Variants in DOT1L observed in about 807,000 individuals in gnomAD.
DOT1L encodes DOT1 like histone lysine methyltransferase.
Under a neutral mutation model 153.3 loss-of-function variants are expected in DOT1L, and 33 were observed. That is an observed-to-expected ratio of 0.22 (90% CI 0.16 to 0.29). The LOEUF is 0.29. Ranked by LOEUF, DOT1L falls within the 10% of genes least tolerant of loss-of-function variation. The pLI, the probability that DOT1L is intolerant of heterozygous loss-of-function variation, is 1.00. For synonymous variants in DOT1L, 1,135 were observed against 965.1 expected (o/e 1.18, Z -3.26); for missense variants, 1,847 against 2,119.9 (o/e 0.87, Z 2.53).
chr19:2,206,996 G>A lies in DOT1L; in HGVS notation c.856+199G>A, dbSNP rs184925366. On this transcript the variant is annotated intron_variant, in intron 10 of 27. Coordinates refer to ENST00000398665, the MANE Select transcript of DOT1L (RefSeq NM_032482.3). Reference sequence around the variant, plus strand: ...CTCCATGCCAGGAGCACCCCTGGTCGCGACAACCACACACGTCCCCATAGA... The same window carrying A: ...CTCCATGCCAGGAGCACCCCTGGTCACGACAACCACACACGTCCCCATAGA... 1.8e-4 allele frequency among the ~76,000 whole-genome samples: 28 copies of A among 152,328 alleles called. No homozygotes were observed. The Middle Eastern group carries it at 0.014, about 74-fold the overall frequency.
intron 7 of DOT1L, 100 bp from the exon 8 acceptor site, chr19:2,199,784 G>T (rs2023168682): frequency 6.7e-7 from 1 of 1,482,760 alleles, no homozygotes. Context: ...TTCACTGCAA[G>T]CGGAGCTGTG....
chr19:2,221,356 C>T (rs931450639), intron 23 of DOT1L: 2 of 153,358 alleles, frequency 1.3e-5, no homozygotes, highest in Admixed American at 6.5e-5. Context: ...GAGGTCTGCT[C>T]TGCGAGAGGC....
At chr19:2,225,116 C>A (rs2024274366) in intron 25 of DOT1L, among the ~76,000 whole-genome samples, 1 of 152,200 alleles carries the variant, frequency 6.6e-6, no homozygotes, top group Non-Finnish European at 1.5e-5. Context: ...TTCTCCCATT[C>A]AGCTGCTGTG....
chr19:2,167,610 C>T (rs1252654815), intron 1 of DOT1L, among the ~76,000 whole-genome samples: 3 of 152,240 alleles, frequency 2.0e-5, no homozygotes, highest in African/African-American at 7.2e-5. Flanking sequence ...CATCTTCATT[C>T]GCCCAAGTGC....
At chr19:2,178,537 C>G (rs1346077904) in intron 1 of DOT1L, among the ~76,000 whole-genome samples, 2 of 151,612 alleles carry the variant, frequency 1.3e-5, no homozygotes, top group East Asian at 3.9e-4. Context: ...CCTGCCTCTG[C>G]CTCCCGAGTA....
chr19:2,178,174 C>T (rs2022042699), intron 1 of DOT1L, among the ~76,000 whole-genome samples: 1 of 150,646 alleles, frequency 6.6e-6, no homozygotes, highest in Admixed American at 6.6e-5. Context: ...TCGAGTGATC[C>T]ACCCGCCTCG....
chr19:2,196,320 G>C (rs2023017745), intron 7 of DOT1L, among the ~76,000 whole-genome samples: 1 of 152,222 alleles, frequency 6.6e-6, no homozygotes, highest in African/African-American at 2.4e-5. Context: ...TTGAGCCCAG[G>C]AGTTCGGACA....
chr19:2,182,671 G>T (rs1028060844), intron 2 of DOT1L, among the ~76,000 whole-genome samples: 2 of 152,164 alleles, frequency 1.3e-5, no homozygotes, highest in African/African-American at 2.4e-5. Flanking sequence ...TCTCTGACCA[G>T]GCGCTTGCTA....
Position 2,194,529 on chromosome 19 carries a change from G to A in DOT1L, c.603G>A (p.Glu201=), listed in dbSNP as rs553899886. The change falls in exon 7 of 28, where the codon GAG becomes GAA. Residue 201 remains glutamate, a synonymous_variant. Coordinates refer to ENST00000398665, the MANE Select transcript of DOT1L (RefSeq NM_032482.3). ...TTTCCTTCCAGACCATGGACCGCGA[G>A]TTCAGGAAGTGGATGAAATGGTATG... ...PAKYAETMDR[E]FRKWMKWYGK... 2.5e-6 allele frequency: 4 copies of A among 1,613,900 alleles called. No homozygotes were observed. The highest frequency in any genetic ancestry group is 1.3e-5 in the African/African-American group (1 of 75,030).
At position 2,220,523 on chromosome 19, in the gene DOT1L, T is replaced by C; in HGVS notation, c.2806+301T>C. On this transcript the variant is annotated intron_variant, in intron 23 of 27. Transcript: ENST00000398665. This position sits in a 1 kb window ranked among gnomAD's most constrained non-coding sequence, Gnocchi z 4.5. ...CCAGTGCTCTCGGGGGCTCCTGTAC[T>C]CACAGCTGGGAGGCCCCTGACTCAG... is the stretch of plus-strand genomic sequence containing the variant. 2.0e-6 allele frequency: 1 copy of C among 506,344 alleles called. No homozygotes were observed. The highest frequency in any genetic ancestry group is 3.9e-6 in the Non-Finnish European group (1 of 259,414). 31.4% of individuals were successfully genotyped at this position (506,344 alleles called of 1,614,324 possible).
intron 1 of DOT1L, among the ~76,000 whole-genome samples, chr19:2,177,284 A>G (rs573891783): frequency 6.6e-6 from 1 of 152,294 alleles, no homozygotes; most frequent in African/African-American, 2.4e-5. Context: ...CACGCAGTCA[A>G]ATCACGCAGG....
At position 2,207,006 on chromosome 19, in the gene DOT1L, C is replaced by T. The variant is rs3746161; in HGVS notation, c.856+209C>T. Among the ~76,000 whole-genome samples, 5,827 of 152,296 alleles carry T rather than the reference C, an allele frequency of 0.038. 160 individuals are homozygous for T. Among genetic ancestry groups the T allele is most frequent in the East Asian group, 0.13 (682 of 5,166 alleles). ...GGAGCACCCCTGGTCGCGACAACCACACACGTCCCCATAGAGCACTGTGTG... is the reference window on the plus strand; with the variant it reads ...GGAGCACCCCTGGTCGCGACAACCATACACGTCCCCATAGAGCACTGTGTG... On this transcript the variant is annotated intron_variant, in intron 10 of 27. Transcript: ENST00000398665. This position sits in a 1 kb window ranked among gnomAD's most constrained non-coding sequence, Gnocchi z 4.5.
intron 27 of DOT1L, chr19:2,227,795 C>T (rs2024416877): frequency 1.5e-6 from 2 of 1,310,178 alleles, no homozygotes; most frequent in Admixed American, 2.2e-5. Flanking sequence ...CCCGTGTCGG[C>T]CGCGGGGCTG....
chr19:2,178,231 C>CT, intron 1 of DOT1L, among the ~76,000 whole-genome samples: 1 of 135,766 alleles, frequency 7.4e-6, no homozygotes, highest in East Asian at 2.2e-4. Flanking sequence ...CATGCCTGGC[C>CT]ATTTTTTTTT....
At position 2,198,353 on chromosome 19, in the gene DOT1L, C is replaced by T. The variant is rs1340202261; in HGVS notation, c.652-1531C>T. 4.6e-5 allele frequency among the ~76,000 whole-genome samples: 7 copies of T among 152,194 alleles called. 1 individual carries two copies. The highest frequency in any genetic ancestry group is 1.0e-4 in the Non-Finnish European group (7 of 68,018). On this transcript the variant is annotated intron_variant, in intron 7 of 27. Coordinates refer to ENST00000398665, the MANE Select transcript of DOT1L (RefSeq NM_032482.3). Reference sequence around the variant, plus strand: ...CTCAGGATGGCTCGCCTGCGCACCTCCCATCCCGTCTCCTCCCCTCCTGGG... The same window carrying T: ...CTCAGGATGGCTCGCCTGCGCACCTTCCATCCCGTCTCCTCCCCTCCTGGG...
Position 2,193,853 on chromosome 19 carries a change from C to A in DOT1L, c.588+70C>A. ...TCAGAGAAAGTGACGCCCTGGGTGCCTGCACCCCACTGCTGTGGGACTTCC... is the reference window on the plus strand; with the variant it reads ...TCAGAGAAAGTGACGCCCTGGGTGCATGCACCCCACTGCTGTGGGACTTCC... On this transcript the variant is annotated intron_variant, in intron 6 of 27. Transcript: ENST00000398665. This position sits in a 1 kb window ranked among gnomAD's most constrained non-coding sequence, Gnocchi z 5.9. 7.6e-6 allele frequency: 11 copies of A among 1,447,726 alleles called. No individual in the cohort carries two copies. Among genetic ancestry groups the A allele is most frequent in the African/African-American group, 1.4e-5 (1 of 72,028 alleles). The allele number at this position is 1,447,726 out of a possible 1,614,324, so 89.7% of individuals were successfully genotyped here.
chr19:2,224,523 G>A (rs1444397170), intron 25 of DOT1L, among the ~76,000 whole-genome samples: 2 of 150,444 alleles, frequency 1.3e-5, no homozygotes, highest in Admixed American at 6.6e-5. Flanking sequence ...GCTGGAGTGC[G>A]GTGGCGCGAT....
chr19:2,187,942 AAGTG>A (rs2022610356), intron 3 of DOT1L, among the ~76,000 whole-genome samples: 2 of 128,950 alleles, frequency 1.6e-5, no homozygotes, highest in South Asian at 4.9e-4. Flanking sequence ...AAAAAAAGGG[AAGTG>A]AAAAGACAGG....
In DOT1L at chr19:2,202,730, T is replaced by G; in HGVS notation, c.738T>G (p.Gly246=). Residue 246 remains glycine, a synonymous_variant, in exon 9 of 28, where the codon GGT becomes GGG. Coordinates refer to ENST00000398665, the MANE Select transcript of DOT1L (RefSeq NM_032482.3). The part of the protein sequence containing the change: ...SVIFVNNFAF[G]PEVDHQLKER... ...TATTTGTGAATAATTTTGCCTTTGG[T>G]CCTGAGGTGGATCACCAGCTGAAGG... 1 of 1,614,148 alleles carries G rather than the reference T, an allele frequency of 6.2e-7. No homozygotes were observed. Among genetic ancestry groups the G allele is most frequent in the Non-Finnish European group, 8.5e-7 (1 of 1,180,022 alleles).
Sources: gnomAD v4.1 joint callset for allele counts (sites outside exome capture counted in the v4.1 genomes callset) on GRCh38, gnomAD v4.1.1 for gene constraint, Gnocchi (gnomAD v3.1) non-coding constraint, MANE v1.5 for transcripts, NCBI Gene and HGNC (gene_info 2026-07-23, HGNC 2026-07-21) for gene names.